The following TEP1 variants were observed in gnomAD, a reference collection of about 807,000 sequenced individuals.
TEP1 encodes telomerase associated protein 1.
A neutral mutation model predicts 306.3 loss-of-function variants in TEP1; 241 were observed. That is an observed-to-expected ratio of 0.79 (90% CI 0.71 to 0.88). The LOEUF (loss-of-function observed/expected upper bound fraction) is 0.88, where lower values mean the gene tolerates loss of function less well. Among genes scored for constraint, TEP1 ranks in the 40% least tolerant of loss-of-function variants. The pLI, the probability that TEP1 is intolerant of heterozygous loss-of-function variation, is 0.00. For synonymous variants in TEP1, 1,289 were observed against 1,305.5 expected (o/e 0.99, Z 0.27); for missense variants, 3,051 against 3,276.1 (o/e 0.93, Z 1.68).
At chr14:20,371,835 A>C (rs1884860424) in intron 49 of TEP1, among the ~76,000 whole-genome samples, 1 of 152,066 alleles carries the variant, frequency 6.6e-6, no homozygotes, top group Admixed American at 6.6e-5. Flanking sequence ...CAAACTAGGA[A>C]TCTCTAACAT....
rs1486906781 is a variant in TEP1, at chr14:20,389,473, C to T, written c.2465+137G>A. 5.5e-6 allele frequency: 8 copies of T among 1,467,704 alleles called. No individual in the cohort carries two copies. The Admixed American group carries it at 1.4e-4, about 26-fold the overall frequency. 90.9% of individuals were successfully genotyped at this position (1,467,704 alleles called of 1,614,324 possible). On this transcript the variant is annotated intron_variant, in intron 16 of 54. Coordinates refer to ENST00000262715, the MANE Select transcript of TEP1 (RefSeq NM_007110.5). Reference sequence around the variant, plus strand: ...TACAGAGTTAGGCTAAAGTATCCACCTGAAGTGCAACAGAGGTAAGAAGGC... The same window carrying T: ...TACAGAGTTAGGCTAAAGTATCCACTTGAAGTGCAACAGAGGTAAGAAGGC...
rs771115273 is a variant in TEP1, at chr14:20,382,684, C to T, written c.4079G>A (p.Gly1360Asp). Residue 1360 changes from glycine (G) to aspartate (D), a missense_variant, in exon 28 of 55, where the codon GGC (glycine) becomes GAC (aspartate). Physicochemically the swap from Gly to Asp is moderately conservative, Grantham distance 94. Coordinates refer to ENST00000262715, the MANE Select transcript of TEP1 (RefSeq NM_007110.5). ...MRLLLVKRESGRPLYLRLVTD... is the reference protein window; with the variant it reads ...MRLLLVKRESDRPLYLRLVTD... ...GACCAAGCGCAGGTAGAGCGGCCGGCCTGATTCCCGCTTCACCAGCAGCAG... is the reference window on the plus strand; with the variant it reads ...GACCAAGCGCAGGTAGAGCGGCCGGTCTGATTCCCGCTTCACCAGCAGCAG... The T allele has an allele frequency of 6.2e-7, 1 of 1,614,088 alleles. No homozygotes were observed. The highest frequency in any genetic ancestry group is 8.5e-7 in the Non-Finnish European group (1 of 1,179,998).
chr14:20,403,922 C>T lies in TEP1; in HGVS notation c.1033-38G>A, dbSNP rs747697430. The T allele has an allele frequency of 6.2e-6, 10 of 1,612,538 alleles. No individual in the cohort carries two copies. In the Admixed American group the frequency reaches 8.3e-5, roughly 13 times the overall value. On this transcript the variant is annotated intron_variant, in intron 5 of 54. Coordinates refer to ENST00000262715, the MANE Select transcript of TEP1 (RefSeq NM_007110.5). ...GAGGAGAGACCACTAGAAGCAAGAC[C>T]CAAACCAACCCTCCAAAACAAAACG...
In TEP1 at chr14:20,406,377, C is replaced by G; in HGVS notation, c.591G>C (p.Glu197Asp). ...ATLGRWFDSE[E>D]KKGAETQMPS... ...GCATTTGGGTCTCTGCCCCTTTCTTCTCTTCTGAATCAAACCAACGACCCT... is the reference window on the plus strand; with the variant it reads ...GCATTTGGGTCTCTGCCCCTTTCTTGTCTTCTGAATCAAACCAACGACCCT... Residue 197 changes from glutamate (E) to aspartate (D), a missense_variant, in exon 3 of 55, where the codon GAG becomes GAC. Glu to Asp is a conservative substitution (Grantham distance 45). Transcript: ENST00000262715. 6.2e-7 allele frequency: 1 copy of G among 1,614,092 alleles called. No individual in the cohort carries two copies. Among genetic ancestry groups the G allele is most frequent in the East Asian group, 2.2e-5 (1 of 44,886 alleles).
At position 20,390,733 on chromosome 14, in the gene TEP1, G is replaced by C. The variant is rs372704689; in HGVS notation, c.2282C>G (p.Ser761Cys). The C allele has an allele frequency of 6.2e-7, 1 of 1,614,042 alleles. No homozygotes were observed. The highest frequency in any genetic ancestry group is 1.3e-5 in the African/African-American group (1 of 74,910). ...VQEFDENDGW[S>C]LNTFGKYLLS... The stretch of plus-strand genomic sequence containing the variant: ...CAGGTATTTCCCAAAAGTATTCAGG[G>C]ACCATCCATCATTTTCATCAAACTC... Residue 761 changes from serine (S) to cysteine (C), a missense_variant, in exon 15 of 55, where the codon TCC (serine) becomes TGC (cysteine). Around this residue, in one of 3 missense-constraint regions of TEP1, gnomAD observed 1,507 missense variants for 1,550.5 expected, o/e 0.97. Coordinates refer to ENST00000262715, the MANE Select transcript of TEP1 (RefSeq NM_007110.5).
Position 20,371,331 on chromosome 14 carries a change from G to A in TEP1, c.7221-17C>T. Reference sequence around the variant, plus strand: ...TAGCTGCTCCTGGTTTGTGAGAAAGGAATAGGTTGAGCTCAGGATTTAAAG... The same window carrying A: ...TAGCTGCTCCTGGTTTGTGAGAAAGAAATAGGTTGAGCTCAGGATTTAAAG... On this transcript the variant is annotated splice_polypyrimidine_tract_variant and intron_variant, in intron 50 of 54. Transcript: ENST00000262715. 6.2e-7 allele frequency: 1 copy of A among 1,610,448 alleles called. No individual in the cohort carries two copies. Among genetic ancestry groups the A allele is most frequent in the Middle Eastern group, 1.7e-4 (1 of 6,056 alleles).
Position 20,379,944 on chromosome 14 carries a change from G to A in TEP1, c.5113C>T (p.Leu1705=), listed in dbSNP as rs372170081. The A allele has an allele frequency of 3.5e-5, 56 of 1,612,320 alleles. No homozygotes were observed. The highest frequency in any genetic ancestry group is 4.5e-5 in the Non-Finnish European group (53 of 1,179,538). ...GATTGTCATACCTGCCAAGTTCTCAGGTCCAACAGGTAAACTGTCCCATTG... is the reference window on the plus strand; with the variant it reads ...GATTGTCATACCTGCCAAGTTCTCAAGTCCAACAGGTAAACTGTCCCATTG... ...TANGTVYLLD[L]RTWQEEKSVV... The change falls in exon 35 of 55, where the codon CTG becomes TTG. Residue 1705 remains leucine, a synonymous_variant. Coordinates refer to ENST00000262715, the MANE Select transcript of TEP1 (RefSeq NM_007110.5).
chr14:20,403,987 A>G, intron 5 of TEP1, 103 bp from the exon 6 acceptor site: 1 of 1,484,328 alleles, frequency 6.7e-7, no homozygotes, highest in Non-Finnish European at 9.2e-7. Context: ...CAGAGTAGCG[A>G]GCAAGTTCCC....
intron 10 of TEP1, 62 bp from the exon 11 acceptor site, chr14:20,396,011 G>A: frequency 5.4e-6 from 7 of 1,288,926 alleles, no homozygotes; most frequent in Non-Finnish European, 7.8e-6. Context: ...GGGCTTCAGG[G>A]GTCCACTCTA....
chr14:20,375,120 A>G (rs1395756961), intron 43 of TEP1, among the ~76,000 whole-genome samples: 1 of 150,478 alleles, frequency 6.6e-6, no homozygotes, highest in Admixed American at 6.6e-5. Context: ...AGGACTTAGC[A>G]TGCTGCCTGG....
Position 20,385,127 on chromosome 14 carries a change from A to G in TEP1, c.2983-18T>C. On this transcript the variant is annotated intron_variant, in intron 20 of 54. Coordinates refer to ENST00000262715, the MANE Select transcript of TEP1 (RefSeq NM_007110.5). ...TGCTGGGCCTGCGGGGAGGACAGAG[A>G]CAGTGAGTTTAGTCCTAGGCCACAA... is the stretch of plus-strand genomic sequence containing the variant. 1 of 1,613,416 alleles carries G rather than the reference A, an allele frequency of 6.2e-7. No homozygotes were observed. Among genetic ancestry groups the G allele is most frequent in the Non-Finnish European group, 8.5e-7 (1 of 1,179,748 alleles).
rs772488924 is a variant in TEP1 at position 20,401,576 on chromosome 14, C to T, written c.1272G>A (p.Glu424=). The T allele has an allele frequency of 1.9e-6, 3 of 1,613,998 alleles. No individual in the cohort carries two copies. The highest frequency in any genetic ancestry group is 2.5e-6 in the Non-Finnish European group (3 of 1,180,004). The part of the protein sequence containing the change: ...GFLREEQRKF[E]KAGDTVSEKK... Reference sequence around the variant, plus strand: ...TCTCTGACACTGTATCACCGGCCTTCTCAAACTGTGGAAACATCCCCAAGT... The same window carrying T: ...TCTCTGACACTGTATCACCGGCCTTTTCAAACTGTGGAAACATCCCCAAGT... The change falls in exon 8 of 55, where the codon GAG becomes GAA. Residue 424 remains glutamate (E), a synonymous_variant. Transcript: ENST00000262715.
rs1194160234 is a variant in TEP1 at position 20,385,087 on chromosome 14, C to T, written c.3005G>A (p.Arg1002His). ...FHWAQQYPSG[R>H]SVTEMEVMQF... ...CATCACCTCCATCTCTGTCACAGAG[C>T]GCCCTGAAGGGTACTGCTGGGCCTG... The change falls in exon 21 of 55, where the codon CGC becomes CAC. Residue 1002 changes from arginine (R) to histidine (H), a missense_variant. Arg to His is a conservative substitution (Grantham distance 29). Around this residue, in one of 3 missense-constraint regions of TEP1, gnomAD observed 1,507 missense variants for 1,550.5 expected, o/e 0.97. Transcript: ENST00000262715. 15 of 1,613,934 alleles carry T rather than the reference C, an allele frequency of 9.3e-6. No homozygotes were observed. Among genetic ancestry groups the T allele is most frequent in the Admixed American group, 1.7e-5 (1 of 60,008 alleles).
chr14:20,371,343 C>G (rs751146440), intron 50 of TEP1, 29 bp from the exon 51 acceptor site: 2 of 1,608,144 alleles, frequency 1.2e-6, no homozygotes, highest in African/African-American at 2.7e-5. Context: ...ATAGGTTGAG[C>G]TCAGGATTTA....
chr14:20,389,484 C>T (rs1877514308), intron 16 of TEP1, 126 bp downstream of exon 16: 1 of 1,500,184 alleles, frequency 6.7e-7, no homozygotes, highest in South Asian at 1.2e-5. Context: ...TGAAGTGCAA[C>T]AGAGGTAAGA....
At position 20,372,706 on chromosome 14, in the gene TEP1, TCCCATTAA is replaced by T; in HGVS notation, c.7076+19_7076+26del. 1 of 1,613,956 alleles carries T rather than the reference TCCCATTAA, an allele frequency of 6.2e-7. No homozygotes were observed. The highest frequency in any genetic ancestry group is 1.1e-5 in the South Asian group (1 of 90,988). On this transcript the variant is annotated intron_variant, in intron 49 of 54. Transcript: ENST00000262715. ...AGGAGTGAGGAGACTGCTGTTTCTATCCCATTAACCCATCAGCCTGTTTCACCTCAAAT... is the reference window on the plus strand; with the variant it reads ...AGGAGTGAGGAGACTGCTGTTTCTATCCCATCAGCCTGTTTCACCTCAAAT...
chr14:20,377,800 T>C, intron 39 of TEP1, 47 bp from the exon 40 acceptor site: 1 of 1,603,020 alleles, frequency 6.2e-7, no homozygotes, highest in Non-Finnish European at 8.5e-7. Context: ...CACCACGCGG[T>C]CCTCCTTCCT....
chr14:20,379,190 G>A lies in TEP1; in HGVS notation c.5128-85C>T, dbSNP rs1261649884. On this transcript the variant is annotated intron_variant, in intron 35 of 54. Transcript: ENST00000262715. ...CACTCCAGGCCCCACCCAAAAAGAA[G>A]GCCAAGGCACAAAGGCCATGAGTCC... 5.8e-6 allele frequency: 9 copies of A among 1,539,902 alleles called. No homozygotes were observed. The Admixed American group carries it at 6.0e-5, about 10-fold the overall frequency.
At chr14:20,400,752 C>A in intron 9 of TEP1, 1 of 517,016 alleles carries the variant, frequency 1.9e-6, no homozygotes, top group Non-Finnish European at 3.4e-6. Flanking sequence ...TTGATAAAAA[C>A]TTGTACATCA....
Sources: gnomAD v4.1 joint callset for allele counts (sites outside exome capture counted in the v4.1 genomes callset) on GRCh38, gnomAD v4.1.1 for gene constraint, gnomAD v4.1.1 regional missense constraint, MANE v1.5 for transcripts, NCBI Gene and HGNC (gene_info 2026-07-23, HGNC 2026-07-21) for gene names.